ROR2: variants seen among roughly 807,000 people sequenced by gnomAD.
The protein encoded by ROR2 is tyrosine-protein kinase transmembrane receptor ROR2.
In ROR2, 33 loss-of-function variants were observed where a neutral mutation model predicts 74.9. The observed-to-expected ratio is 0.44, with a 90% CI of 0.33 to 0.59. The LOEUF (loss-of-function observed/expected upper bound fraction) is 0.59, where lower values mean the gene tolerates loss of function less well. ROR2 is among the 20% of genes least tolerant of loss of function. The pLI is 0.02. For missense variants in ROR2, 1,216 were observed against 1,313.8 expected (o/e 0.93, Z 1.15); for synonymous variants, 586 against 558.7 (o/e 1.05, Z -0.69).
At chr9:91,884,184 T>C (rs1224522625) in intron 1 of ROR2, among the ~76,000 whole-genome samples, 1 of 152,224 alleles carries the variant, frequency 6.6e-6, no homozygotes, top group South Asian at 2.1e-4. Flanking sequence ...AGGTTTCAGT[T>C]TGACCTGTCC....
chr9:91,931,374 T>TG (rs1408825233), intron 1 of ROR2, among the ~76,000 whole-genome samples: 7 of 152,316 alleles, frequency 4.6e-5, no homozygotes, highest in Non-Finnish European at 8.8e-5. Context: ...AGTAAGGCTC[T>TG]GTCATGAATA....
chr9:91,819,609 GTC>G (rs1828070175), intron 1 of ROR2, among the ~76,000 whole-genome samples: 2 of 151,694 alleles, frequency 1.3e-5, no homozygotes, highest in Non-Finnish European at 3.0e-5. Context: ...GTCTGTGTTT[GTC>G]TGTCTTTGAG....
chr9:91,829,162 C>T (rs1040322999), intron 1 of ROR2, among the ~76,000 whole-genome samples: 1 of 152,196 alleles, frequency 6.6e-6, no homozygotes, highest in Non-Finnish European at 1.5e-5. Flanking sequence ...CACAGGCAGT[C>T]GCTTCCGCGG....
chr9:91,920,635 T>C (rs74404496), intron 1 of ROR2, among the ~76,000 whole-genome samples: 2 of 152,200 alleles, frequency 1.3e-5, no homozygotes, highest in African/African-American at 4.8e-5. Context: ...CCTAAACACC[T>C]GGTCTGTCTC....
chr9:91,871,972 G>A (rs7874281), intron 1 of ROR2, among the ~76,000 whole-genome samples: 11,191 of 152,100 alleles, frequency 0.074, 525 homozygotes, highest in African/African-American at 0.13. Context: ...CGACAGCCAC[G>A]CAAGAGACCC....
At chr9:91,791,650 A>C (rs983205662) in intron 1 of ROR2, among the ~76,000 whole-genome samples, 1 of 152,230 alleles carries the variant, frequency 6.6e-6, no homozygotes, top group African/African-American at 2.4e-5. Context: ...TGGAGATGTC[A>C]ACACTCCACT....
At chr9:91,731,247 A>T in intron 6 of ROR2, 92 bp from the exon 7 acceptor site, 1 of 1,564,388 alleles carries the variant, frequency 6.4e-7, no homozygotes, top group Non-Finnish European at 8.7e-7. Flanking sequence ...AAAAGATCCA[A>T]GGATTTTACA....
chr9:91,949,783 G>T (rs983010934), intron 1 of ROR2, 84 bp downstream of exon 1: 5 of 892,196 alleles, frequency 5.6e-6, no homozygotes, highest in Admixed American at 2.0e-5. Context: ...CGGCGCAGCG[G>T]CCGGGAGCAT....
At chr9:91,857,147 G>A (rs562981691) in intron 1 of ROR2, among the ~76,000 whole-genome samples, 1 of 152,352 alleles carries the variant, frequency 6.6e-6, no homozygotes, top group South Asian at 2.1e-4. Flanking sequence ...CTTGTTTCAC[G>A]AGTGACCATC....
chr9:91,724,637 G>A lies in ROR2; in HGVS notation c.1857C>T (p.Arg619=). The A allele has an allele frequency of 6.2e-7, 1 of 1,614,216 alleles. No individual in the cohort carries two copies. The highest frequency in any genetic ancestry group is 8.5e-7 in the Non-Finnish European group (1 of 1,180,044). The change falls in exon 9 of 9, where the codon CGC becomes CGT. Residue 619 remains arginine, a synonymous_variant. Transcript: ENST00000375708. ...HHVVHKDLAT[R]NVLVYDKLNV... is the part of the protein sequence containing the mutation. ...TCAGCTTGTCGTACACTAGCACATT[G>A]CGGGTGGCCAGGTCCTTGTGAACCA...
chr9:91,887,599 C>T (rs1230766832), intron 1 of ROR2, among the ~76,000 whole-genome samples: 1 of 152,106 alleles, frequency 6.6e-6, no homozygotes, highest in African/African-American at 2.4e-5. Flanking sequence ...GAACATTCCC[C>T]TTATGGTTTC....
At chr9:91,801,293 G>A (rs1012031882) in intron 1 of ROR2, among the ~76,000 whole-genome samples, 2 of 152,120 alleles carry the variant, frequency 1.3e-5, no homozygotes, top group Non-Finnish European at 2.9e-5. Flanking sequence ...GAAGGCTCTC[G>A]TGTCCATGAA....
intron 1 of ROR2, among the ~76,000 whole-genome samples, chr9:91,898,660 T>C (rs1362215362): frequency 2.0e-5 from 3 of 152,206 alleles, no homozygotes; most frequent in African/African-American, 7.2e-5. Context: ...AAGGAGGGCA[T>C]CTGCCCAGAG....
chr9:91,901,588 G>A (rs564345587), intron 1 of ROR2, among the ~76,000 whole-genome samples: 1 of 152,210 alleles, frequency 6.6e-6, no homozygotes, highest in African/African-American at 2.4e-5. Flanking sequence ...GGCTAAGGCA[G>A]GCGGATCATC....
intron 4 of ROR2, among the ~76,000 whole-genome samples, chr9:91,744,733 T>C (rs1825354156): frequency 6.6e-6 from 1 of 152,212 alleles, no homozygotes; most frequent in Non-Finnish European, 1.5e-5. Flanking sequence ...AAATACTGGC[T>C]TTTGCAATGG....
chr9:91,856,724 C>G (rs1001723948), intron 1 of ROR2, among the ~76,000 whole-genome samples: 4 of 152,196 alleles, frequency 2.6e-5, no homozygotes, highest in Non-Finnish European at 5.9e-5. Context: ...GTCTGGGGTA[C>G]TTACGGCAGA....
At chr9:91,761,140 T>C (rs928898487) in intron 2 of ROR2, among the ~76,000 whole-genome samples, 1 of 152,134 alleles carries the variant, frequency 6.6e-6, no homozygotes, top group Non-Finnish European at 1.5e-5. Flanking sequence ...GCCTTCCTTC[T>C]AGAGGCTCTG....
intron 1 of ROR2, among the ~76,000 whole-genome samples, chr9:91,915,912 G>A (rs937116555): frequency 6.6e-6 from 1 of 152,074 alleles, no homozygotes; most frequent in Non-Finnish European, 1.5e-5. Flanking sequence ...TCCTCACCCC[G>A]CCCAGAAATC....
At chr9:91,761,206 G>A (rs933016760) in intron 2 of ROR2, among the ~76,000 whole-genome samples, 1 of 152,136 alleles carries the variant, frequency 6.6e-6, no homozygotes, top group Non-Finnish European at 1.5e-5. Context: ...CAACCCAACA[G>A]TCCCATAGAC....
Sources: allele counts gnomAD v4.1 joint callset (sites outside exome capture counted in the v4.1 genomes callset), GRCh38; gene constraint gnomAD v4.1.1; transcripts MANE v1.5; gene names NCBI Gene and HGNC (gene_info 2026-07-23, HGNC 2026-07-21).